The following RIMS2 variants were observed in gnomAD, a reference collection of about 807,000 sequenced individuals.
The protein encoded by RIMS2 is regulating synaptic membrane exocytosis protein 2.
RIMS2 carries 59 observed loss-of-function variants against 174.4 expected under a neutral mutation model. That is an observed-to-expected ratio of 0.34 (90% CI 0.27 to 0.42). RIMS2 has a LOEUF of 0.42. Among genes scored for constraint, RIMS2 ranks in the 10% least tolerant of loss-of-function variants. The pLI is 1.00. For synonymous variants in RIMS2, 606 were observed against 572.5 expected, an observed-to-expected ratio of 1.06 and a Z score of -0.84; for missense variants, 1,620 against 1,666.3, an observed-to-expected ratio of 0.97 and a Z score of 0.48.
chr8:104,221,678 G>A (rs1160784464), intron 19 of RIMS2, among the ~76,000 whole-genome samples: 1 of 152,070 alleles, frequency 6.6e-6, no homozygotes, highest in East Asian at 1.9e-4. Flanking sequence ...CAATAAATCT[G>A]GATGAGCCTA....
At chr8:104,038,435 G>C (rs2154557275) in intron 19 of RIMS2, among the ~76,000 whole-genome samples, 1 of 151,982 alleles carries the variant, frequency 6.6e-6, no homozygotes, top group Non-Finnish European at 1.5e-5. Flanking sequence ...ACTGGTTATT[G>C]ATTAGATGAA....
intron 22 of RIMS2, among the ~76,000 whole-genome samples, chr8:104,250,140 T>C (rs991754475): frequency 1.3e-5 from 2 of 152,252 alleles, no homozygotes; most frequent in African/African-American, 4.8e-5. Flanking sequence ...CTAAGGTGCA[T>C]TGAAGCCATG....
chr8:104,004,137 A>G (rs569511634), intron 17 of RIMS2, among the ~76,000 whole-genome samples: 2 of 152,318 alleles, frequency 1.3e-5, no homozygotes, highest in Non-Finnish European at 2.9e-5. Flanking sequence ...AAGAGGAAAT[A>G]TCTAGCAGGA....
intron 10 of RIMS2, among the ~76,000 whole-genome samples, chr8:103,925,562 G>A (rs892465397): frequency 6.6e-6 from 1 of 151,504 alleles, no homozygotes; most frequent in Admixed American, 6.6e-5. Context: ...AATGCAAAAT[G>A]AATTGTGGGG....
chr8:103,796,623 C>T (rs993041919), intron 3 of RIMS2, among the ~76,000 whole-genome samples: 1 of 152,026 alleles, frequency 6.6e-6, no homozygotes, highest in Non-Finnish European at 1.5e-5. Flanking sequence ...TAAGTATTTG[C>T]TCTGCTTTTC....
At chr8:104,161,928 C>G (rs1344047073) in intron 19 of RIMS2, among the ~76,000 whole-genome samples, 1 of 152,198 alleles carries the variant, frequency 6.6e-6, no homozygotes, top group East Asian at 1.9e-4. Context: ...TTGAATCTTT[C>G]TTGTGCATTT....
intron 4 of RIMS2, among the ~76,000 whole-genome samples, chr8:103,889,561 C>T (rs533185808): frequency 2.6e-4 from 39 of 151,726 alleles, no homozygotes; most frequent in African/African-American, 8.0e-4. Flanking sequence ...GCTTCTACTA[C>T]GTAGCAGAAT....
At chr8:103,791,066 G>C (rs140636755) in intron 3 of RIMS2, among the ~76,000 whole-genome samples, 1,737 of 152,238 alleles carry the variant, frequency 0.011, 22 homozygotes, top group South Asian at 0.049. Context: ...AGGAAATACA[G>C]AGAATGCCAC....
At chr8:103,894,564 C>T (rs1422988523) in intron 4 of RIMS2, among the ~76,000 whole-genome samples, 2 of 151,542 alleles carry the variant, frequency 1.3e-5, no homozygotes, top group Middle Eastern at 6.8e-3. Flanking sequence ...TTGGCAGTAC[C>T]TATCTGTATG....
intron 1 of RIMS2, among the ~76,000 whole-genome samples, chr8:103,521,936 A>G (rs911210584): frequency 4.0e-5 from 6 of 150,524 alleles, no homozygotes; most frequent in African/African-American, 1.5e-4. Flanking sequence ...TGCTTCTCTC[A>G]TTTCTTTTCC....
intron 15 of RIMS2, among the ~76,000 whole-genome samples, chr8:103,966,266 C>T (rs2091799374): frequency 6.6e-6 from 1 of 151,954 alleles, no homozygotes; most frequent in Admixed American, 6.6e-5. Context: ...TGTTGCTTTC[C>T]ATTTTAGGAG....
intron 19 of RIMS2, among the ~76,000 whole-genome samples, chr8:104,216,472 A>G (rs538221812): frequency 2.9e-4 from 44 of 152,338 alleles, no homozygotes; most frequent in African/African-American, 9.4e-4. Flanking sequence ...CCTGGATTCA[A>G]ATATTGGGTT....
intron 1 of RIMS2, among the ~76,000 whole-genome samples, chr8:103,589,856 A>T (rs2094160462): frequency 1.3e-5 from 2 of 151,520 alleles, no homozygotes; most frequent in Non-Finnish European, 3.0e-5. Flanking sequence ...ATGTATTCTC[A>T]CTTATTTGTG....
chr8:103,921,826 A>T, intron 10 of RIMS2, 42 bp downstream of exon 13: 1 of 763,214 alleles, frequency 1.3e-6, no homozygotes, highest in Non-Finnish European at 2.3e-6. Context: ...GGAATATCAA[A>T]TAGTGTTTTT....
chr8:103,944,519 T>C (rs1365685932), intron 14 of RIMS2, among the ~76,000 whole-genome samples: 1 of 152,070 alleles, frequency 6.6e-6, no homozygotes, highest in Non-Finnish European at 1.5e-5. Context: ...GATTGAGGAC[T>C]CTGAATACCT....
chr8:103,728,104 C>A (rs565463934), intron 2 of RIMS2, among the ~76,000 whole-genome samples: 2 of 152,054 alleles, frequency 1.3e-5, no homozygotes, highest in South Asian at 4.1e-4. Context: ...TGTGTGTTCT[C>A]TTCAATTTCC....
chr8:103,900,882 G>A (rs2099324532), intron 4 of RIMS2, among the ~76,000 whole-genome samples: 1 of 151,952 alleles, frequency 6.6e-6, no homozygotes, highest in Non-Finnish European at 1.5e-5. Flanking sequence ...TTATTGGGGT[G>A]GTTTCCCTTA....
intron 3 of RIMS2, among the ~76,000 whole-genome samples, chr8:103,884,946 T>C (rs183132416): frequency 6.6e-4 from 100 of 151,990 alleles, no homozygotes; most frequent in Middle Eastern, 3.4e-3. Context: ...AGGAAATATT[T>C]TTCTAAGCTG....
At chr8:103,990,000 C>A (rs2094583239) in intron 17 of RIMS2, among the ~76,000 whole-genome samples, 1 of 152,090 alleles carries the variant, frequency 6.6e-6, no homozygotes, top group African/African-American at 2.4e-5. Context: ...ATGTCACAAA[C>A]TTGGAAGTAA....
Sources: gnomAD v4.1 joint callset for allele counts (sites outside exome capture counted in the v4.1 genomes callset) on GRCh38, gnomAD v4.1.1 for gene constraint, MANE v1.5 for transcripts, NCBI Gene and HGNC (gene_info 2026-07-23, HGNC 2026-07-21) for gene names.